TAFA2: variants seen among roughly 807,000 people sequenced by gnomAD.
TAFA2 encodes the protein TAFA chemokine like family member 2.
A neutral mutation model predicts 18.8 loss-of-function variants in TAFA2; 7 were observed. That is an observed-to-expected ratio of 0.37 (90% confidence interval 0.21 to 0.70). The LOEUF is 0.70. Ranked by LOEUF, TAFA2 falls within the 30% of genes least tolerant of loss-of-function variation. TAFA2 has a pLI of 0.53. For missense variants in TAFA2, 122 were observed against 158.1 expected (o/e 0.77, Z 1.23); for synonymous variants, 60 against 54.2 (o/e 1.11, Z -0.47).
chr12:62,216,735 T>A (rs549837015), intron 1 of TAFA2, among the ~76,000 whole-genome samples: 1 of 152,352 alleles, frequency 6.6e-6, no homozygotes, highest in East Asian at 1.9e-4. Context: ...GATAGGTGTA[T>A]ATGTTTACAG....
intron 1 of TAFA2, among the ~76,000 whole-genome samples, chr12:62,130,270 C>T (rs968411784): frequency 1.3e-5 from 2 of 151,904 alleles, no homozygotes; most frequent in African/African-American, 4.8e-5. Context: ...TAATTCACAT[C>T]TTTTCGGCTG....
chr12:62,123,781 T>TACACACACAC (rs71083977), intron 1 of TAFA2, among the ~76,000 whole-genome samples: 25,022 of 132,288 alleles, frequency 0.19, 2,732 homozygotes, highest in Non-Finnish European at 0.24. Context: ...ACCACACACA[T>TACACACACAC]ACACACACAC....
intron 1 of TAFA2, among the ~76,000 whole-genome samples, chr12:62,215,829 G>A (rs2062733322): frequency 6.7e-6 from 1 of 150,080 alleles, no homozygotes; most frequent in South Asian, 2.1e-4. Context: ...TTTCTTATTT[G>A]TAGACAGAGA....
chr12:61,924,037 G>GA (rs34163308), intron 1 of TAFA2, among the ~76,000 whole-genome samples: 10,616 of 145,036 alleles, frequency 0.073, 443 homozygotes, highest in Middle Eastern at 0.16. Context: ...AGATTAGAGA[G>GA]AAAAAAAAAA....
chr12:61,748,691 G>A (rs145967224), intron 4 of TAFA2, among the ~76,000 whole-genome samples: 12 of 152,088 alleles, frequency 7.9e-5, no homozygotes, highest in African/African-American at 9.6e-5. Context: ...ATCACAAGAT[G>A]CTATTTCTTT....
intron 1 of TAFA2, among the ~76,000 whole-genome samples, chr12:62,113,593 G>C (rs955246136): frequency 6.6e-6 from 1 of 152,198 alleles, no homozygotes; most frequent in Admixed American, 6.5e-5. Context: ...TGCGCCCAGA[G>C]CTGCCCCTTC....
chr12:61,810,616 G>C (rs1332770347), intron 2 of TAFA2, among the ~76,000 whole-genome samples: 2 of 150,984 alleles, frequency 1.3e-5, no homozygotes, highest in Non-Finnish European at 2.9e-5. Context: ...TTCCATGTTT[G>C]AGAGTTGTTG....
intron 1 of TAFA2, among the ~76,000 whole-genome samples, chr12:62,089,757 T>C (rs1473679699): frequency 1.6e-4 from 24 of 152,082 alleles, no homozygotes; most frequent in Non-Finnish European, 1.5e-5. Flanking sequence ...TAAAGAGTCA[T>C]TGGATTAGAA....
chr12:62,083,692 CAG>C (rs2136823404), intron 1 of TAFA2, among the ~76,000 whole-genome samples: 1 of 152,214 alleles, frequency 6.6e-6, no homozygotes, highest in South Asian at 2.1e-4. Context: ...TAACATAAGA[CAG>C]AGAAATGTGT....
intron 1 of TAFA2, among the ~76,000 whole-genome samples, chr12:61,981,189 C>CA (rs538662556): frequency 1.5e-3 from 228 of 151,866 alleles, no homozygotes; most frequent in African/African-American, 5.4e-3. Context: ...ACAAACCTGA[C>CA]AAAAAAACAA....
At chr12:62,031,022 C>G (rs1430093401) in intron 1 of TAFA2, among the ~76,000 whole-genome samples, 3 of 152,070 alleles carry the variant, frequency 2.0e-5, no homozygotes, top group African/African-American at 7.2e-5. Context: ...TCCACTTTTA[C>G]TTATTAAAGA....
intron 1 of TAFA2, among the ~76,000 whole-genome samples, chr12:62,217,982 T>G (rs1004138884): frequency 8.6e-5 from 9 of 104,554 alleles, no homozygotes; most frequent in Non-Finnish European, 1.3e-4. Flanking sequence ...ATTTATTTAT[T>G]TATTTATTTA....
At chr12:62,221,263 A>AAGGAAGTT (rs2062761668) in intron 1 of TAFA2, among the ~76,000 whole-genome samples, 2 of 144,200 alleles carry the variant, frequency 1.4e-5, no homozygotes, top group African/African-American at 5.1e-5. Context: ...GGAAGGAAGG[A>AAGGAAGTT]AGTTTGAAAG....
chr12:61,944,303 C>T (rs1298173990), intron 1 of TAFA2, among the ~76,000 whole-genome samples: 253 of 151,246 alleles, frequency 1.7e-3, no homozygotes, highest in African/African-American at 6.0e-3. Flanking sequence ...ACATTCAAAG[C>T]AGTGTGTAGA....
intron 1 of TAFA2, among the ~76,000 whole-genome samples, chr12:61,924,512 T>C (rs777297753): frequency 6.6e-6 from 1 of 152,056 alleles, no homozygotes; most frequent in Non-Finnish European, 1.5e-5. Flanking sequence ...AAAAGAGAAA[T>C]AAAATCCTTC....
intron 2 of TAFA2, among the ~76,000 whole-genome samples, chr12:61,783,300 T>G (rs1870583950): frequency 6.6e-6 from 1 of 151,732 alleles, no homozygotes; most frequent in Admixed American, 6.6e-5. Flanking sequence ...AATGCTTCCT[T>G]GTTTTGGTTA....
chr12:62,155,967 T>C (rs923994057), intron 1 of TAFA2, among the ~76,000 whole-genome samples: 8 of 152,124 alleles, frequency 5.3e-5, no homozygotes, highest in African/African-American at 1.9e-4. Context: ...ACTGAAGAGC[T>C]TTTGCATGCC....
At chr12:62,001,579 T>A (rs1880376765) in intron 1 of TAFA2, among the ~76,000 whole-genome samples, 2 of 151,990 alleles carry the variant, frequency 1.3e-5, no homozygotes, top group South Asian at 4.1e-4. Context: ...TGTGCTCCTA[T>A]GAGAATCTAA....
At chr12:61,837,573 T>A (rs999092325) in intron 2 of TAFA2, among the ~76,000 whole-genome samples, 3 of 152,106 alleles carry the variant, frequency 2.0e-5, no homozygotes, top group Non-Finnish European at 4.4e-5. Context: ...ATATCACTTA[T>A]ATATCTGAAC....
Sources: allele counts gnomAD v4.1 joint callset (sites outside exome capture counted in the v4.1 genomes callset), GRCh38; gene constraint gnomAD v4.1.1; transcripts MANE v1.5; gene names NCBI Gene and HGNC (gene_info 2026-07-23, HGNC 2026-07-21).